The following PAPPA2 variants were observed in gnomAD, a reference collection of about 807,000 sequenced individuals.
PAPPA2 encodes the protein pappalysin-2.
A neutral mutation model predicts 176.4 loss-of-function variants in PAPPA2; 86 were observed. That is an observed-to-expected ratio of 0.49 (90% CI 0.41 to 0.58). The LOEUF is 0.58. Ranked by LOEUF, PAPPA2 falls within the 20% of genes least tolerant of loss-of-function variation. The pLI, the probability that PAPPA2 is intolerant of heterozygous loss-of-function variation, is 0.00. For missense variants in PAPPA2, 2,073 were observed against 2,256.9 expected, an observed-to-expected ratio of 0.92 and a Z score of 1.65; for synonymous variants, 809 against 852.2, an observed-to-expected ratio of 0.95 and a Z score of 0.88.
intron 2 of PAPPA2, among the ~76,000 whole-genome samples, chr1:176,570,031 A>G (rs1179708845): frequency 1.3e-5 from 2 of 152,220 alleles, no homozygotes; most frequent in African/African-American, 2.4e-5. Flanking sequence ...AACTATGTTT[A>G]TTTCTAAACT....
At chr1:176,558,739 C>A (rs1025655888) in intron 2 of PAPPA2, among the ~76,000 whole-genome samples, 2 of 152,168 alleles carry the variant, frequency 1.3e-5, no homozygotes, top group African/African-American at 4.8e-5. Flanking sequence ...CATCTTCTTG[C>A]TGCTTAATCT....
chr1:176,832,817 C>T (rs1667128581), intron 21 of PAPPA2, among the ~76,000 whole-genome samples: 1 of 152,076 alleles, frequency 6.6e-6, no homozygotes, highest in Non-Finnish European at 1.5e-5. Context: ...TTTTTCTCAA[C>T]TATTTCTCTC....
chr1:176,648,430 T>C (rs1657535322), intron 3 of PAPPA2, among the ~76,000 whole-genome samples: 1 of 151,594 alleles, frequency 6.6e-6, no homozygotes, highest in Non-Finnish European at 1.5e-5. Context: ...CTTTATTTTT[T>C]CTCTTGCCTA....
chr1:176,646,545 C>T (rs1032071170), intron 3 of PAPPA2, among the ~76,000 whole-genome samples: 1 of 147,344 alleles, frequency 6.8e-6, no homozygotes, highest in African/African-American at 2.5e-5. Context: ...ATGAACCATC[C>T]CCCCACCTGA....
At chr1:176,696,491 T>G (rs1032606448) in intron 7 of PAPPA2, among the ~76,000 whole-genome samples, 2 of 152,146 alleles carry the variant, frequency 1.3e-5, no homozygotes, top group Admixed American at 1.3e-4. Context: ...GGAAAATATT[T>G]TTTGTTATCT....
chr1:176,547,337 C>T (rs974903461), intron 1 of PAPPA2, among the ~76,000 whole-genome samples: 2 of 152,160 alleles, frequency 1.3e-5, no homozygotes, highest in Non-Finnish European at 2.9e-5. Context: ...CATTCATTGC[C>T]TCAATTCAGT....
Position 176,699,530 on chromosome 1 carries a change from C to T in PAPPA2, c.3177C>T (p.Pro1059=). The T allele has an allele frequency of 6.2e-7, 1 of 1,613,030 alleles. No individual in the cohort carries two copies. The highest frequency in any genetic ancestry group is 1.1e-5 in the South Asian group (1 of 91,050). The part of the protein sequence containing the change: ...RPVRYQVLRD[P]PFASGLPVVV... The stretch of plus-strand genomic sequence containing the variant: ...TGAGGTACCAGGTTCTCCGCGATCC[C>T]CCATTTGCCAGTGGTTTGCCCGTGG... Residue 1059 remains proline, a synonymous_variant, in exon 8 of 23, where the codon CCC becomes CCT. Coordinates refer to ENST00000367662, the MANE Select transcript of PAPPA2 (RefSeq NM_020318.3).
intron 1 of PAPPA2, among the ~76,000 whole-genome samples, chr1:176,534,518 G>T (rs1649970894): frequency 6.6e-6 from 1 of 152,160 alleles, no homozygotes; most frequent in Non-Finnish European, 1.5e-5. Flanking sequence ...TAAGAAAGAG[G>T]TAAGAAAATA....
intron 1 of PAPPA2, among the ~76,000 whole-genome samples, chr1:176,555,113 G>A (rs1573033306): frequency 1.3e-5 from 2 of 151,984 alleles, no homozygotes; most frequent in African/African-American, 4.8e-5. Flanking sequence ...GAGAAAGCCC[G>A]AGATGTTTAC....
chr1:176,633,883 C>T (rs1329535884), intron 3 of PAPPA2, among the ~76,000 whole-genome samples: 1 of 152,176 alleles, frequency 6.6e-6, no homozygotes, highest in Non-Finnish European at 1.5e-5. Flanking sequence ...CAAATCAAAA[C>T]CACAATGAGA....
At chr1:176,723,896 T>C (rs1355614846) in intron 12 of PAPPA2, among the ~76,000 whole-genome samples, 1 of 152,226 alleles carries the variant, frequency 6.6e-6, no homozygotes, top group Non-Finnish European at 1.5e-5. Flanking sequence ...ACTATTTGCA[T>C]TTGATCCCTA....
chr1:176,581,088 C>T (rs1285223675), intron 2 of PAPPA2, among the ~76,000 whole-genome samples: 6 of 151,966 alleles, frequency 3.9e-5, no homozygotes, highest in Admixed American at 6.6e-5. Flanking sequence ...GCAGCTTTGT[C>T]GTTTTGTGTC....
chr1:176,608,512 A>G (rs1654739665), intron 3 of PAPPA2, among the ~76,000 whole-genome samples: 1 of 152,202 alleles, frequency 6.6e-6, no homozygotes, highest in South Asian at 2.1e-4. Flanking sequence ...ATTCTCAGGG[A>G]AAATTTTCCC....
At chr1:176,694,273 T>G (rs953396398) in intron 6 of PAPPA2, among the ~76,000 whole-genome samples, 1 of 152,208 alleles carries the variant, frequency 6.6e-6, no homozygotes, top group African/African-American at 2.4e-5. Context: ...AGAGGTTGGA[T>G]CTTAACTACA....
chr1:176,703,506 T>A (rs1660752411), intron 9 of PAPPA2, among the ~76,000 whole-genome samples: 1 of 152,178 alleles, frequency 6.6e-6, no homozygotes, highest in African/African-American at 2.4e-5. Context: ...GCTGCTGGGA[T>A]GAGGAGGCTG....
At chr1:176,706,324 ATG>A (rs956093477) in intron 9 of PAPPA2, 33 bp from the exon 10 acceptor site, 2 of 1,542,022 alleles carry the variant, frequency 1.3e-6, no homozygotes, top group Non-Finnish European at 1.8e-6. Context: ...ATTTGTGTGT[ATG>A]TGTTATATAT....
In PAPPA2 at chr1:176,556,216, C is replaced by T; in HGVS notation, c.-107C>T. 1 of 1,307,610 alleles carries T rather than the reference C, an allele frequency of 7.6e-7. No individual in the cohort carries two copies. Among genetic ancestry groups the T allele is most frequent in the Non-Finnish European group, 1.0e-6 (1 of 953,030 alleles). The allele number at this position is 1,307,610 out of a possible 1,614,324, so 81.0% of individuals were successfully genotyped here. On this transcript the variant is annotated 5_prime_UTR_variant, in exon 2 of 23. Transcript: ENST00000367662. Reference sequence around the variant, plus strand: ...TTGGTCTGTGAACAAAACAGTTTCCCTGGTGACTGCAAATCCATTGCTAGC... The same window carrying T: ...TTGGTCTGTGAACAAAACAGTTTCCTTGGTGACTGCAAATCCATTGCTAGC...
intron 12 of PAPPA2, among the ~76,000 whole-genome samples, chr1:176,739,218 T>A (rs897790178): frequency 3.9e-5 from 6 of 152,138 alleles, no homozygotes; most frequent in African/African-American, 1.2e-4. Flanking sequence ...TAGAGCAAGA[T>A]GCTAGTTTGA....
intron 21 of PAPPA2, among the ~76,000 whole-genome samples, chr1:176,821,598 T>C (rs1413870733): frequency 1.3e-5 from 2 of 152,220 alleles, no homozygotes; most frequent in Non-Finnish European, 2.9e-5. Flanking sequence ...ACCTAGGCTT[T>C]AGAGTTTCAC....
Sources: allele counts gnomAD v4.1 joint callset (sites outside exome capture counted in the v4.1 genomes callset), GRCh38; gene constraint gnomAD v4.1.1; transcripts MANE v1.5; gene names NCBI Gene and HGNC (gene_info 2026-07-23, HGNC 2026-07-21).